ARL15: variants seen among roughly 807,000 people sequenced by gnomAD.
The protein encoded by ARL15 is ARF like GTPase 15, also known as ADP-ribosylation factor-like protein 15.
A neutral mutation model predicts 25.2 loss-of-function variants in ARL15; 19 were observed. The observed-to-expected ratio is 0.75, with a 90% CI of 0.53 to 1.10. ARL15 has a LOEUF of 1.10. Among genes scored for constraint, ARL15 ranks in the 50% least tolerant of loss-of-function variants. The probability of loss-of-function intolerance (pLI) is 0.00; values close to 1 mark genes in which losing one functional copy is unlikely to be tolerated. For synonymous variants in ARL15, 94 were observed against 86.8 expected, an observed-to-expected ratio of 1.08 and a Z score of -0.46; for missense variants, 220 against 246.0, an observed-to-expected ratio of 0.89 and a Z score of 0.71.
chr5:54,236,976 T>C (rs1307851169), intron 1 of ARL15, among the ~76,000 whole-genome samples: 8 of 152,178 alleles, frequency 5.3e-5, no homozygotes, highest in Admixed American at 5.2e-4. Context: ...TGAGTGAAAA[T>C]GATGTGTACA....
intron 4 of ARL15, among the ~76,000 whole-genome samples, chr5:53,992,604 C>T (rs762495326): frequency 6.6e-6 from 1 of 152,186 alleles, no homozygotes; most frequent in Non-Finnish European, 1.5e-5. Flanking sequence ...TAGGAAAAAA[C>T]ATTTTTATTT....
At chr5:54,041,349 T>C (rs1750338298) in intron 4 of ARL15, among the ~76,000 whole-genome samples, 1 of 152,256 alleles carries the variant, frequency 6.6e-6, no homozygotes, top group Non-Finnish European at 1.5e-5. Flanking sequence ...ATGGTTCTTT[T>C]GTCTTTCTGA....
At chr5:54,268,176 C>A (rs1757678466) in intron 1 of ARL15, among the ~76,000 whole-genome samples, 1 of 152,076 alleles carries the variant, frequency 6.6e-6, no homozygotes, top group Admixed American at 6.6e-5. Context: ...TCTTTTTATT[C>A]TTTTTTCTCT....
At chr5:54,247,674 T>C (rs919884155) in intron 1 of ARL15, among the ~76,000 whole-genome samples, 4 of 151,312 alleles carry the variant, frequency 2.6e-5, no homozygotes, top group African/African-American at 9.7e-5. Context: ...CAGCTAAAAA[T>C]TCCCCTTCAA....
At chr5:54,100,007 G>A (rs886627194) in intron 4 of ARL15, among the ~76,000 whole-genome samples, 2 of 150,126 alleles carry the variant, frequency 1.3e-5, no homozygotes, top group Admixed American at 6.6e-5. Flanking sequence ...TGACCCCCCC[G>A]TAACTGCAAT....
In ARL15 at chr5:54,148,950, T is replaced by G. The variant is rs57419983; in HGVS notation, c.253+5630A>C. 5.3e-3 allele frequency among the ~76,000 whole-genome samples: 803 copies of G among 152,338 alleles called. 9 individuals carry two copies. The highest frequency in any genetic ancestry group is 0.018 in the African/African-American group (732 of 41,574). ...AAATCAAGAGGAAAACATTCATGAC[T>G]GCATAGAAACCTGTTTGTAAATTTA... On this transcript the variant is annotated intron_variant, in intron 3 of 4. Coordinates refer to ENST00000504924, the MANE Select transcript of ARL15 (RefSeq NM_019087.3).
chr5:54,215,218 G>T (rs1440023388), intron 1 of ARL15, among the ~76,000 whole-genome samples: 2 of 149,482 alleles, frequency 1.3e-5, no homozygotes, highest in South Asian at 2.1e-4. Flanking sequence ...CTGTCTTAAA[G>T]TTTTTTTTTT....
At chr5:54,147,684 A>G (rs1753950802) in intron 3 of ARL15, among the ~76,000 whole-genome samples, 1 of 152,160 alleles carries the variant, frequency 6.6e-6, no homozygotes, top group African/African-American at 2.4e-5. Flanking sequence ...CATCCCTCCC[A>G]TGGACACCTA....
rs1360480655 is a variant in ARL15 at position 53,905,677 on chromosome 5, AATGAATT to A, written c.463-18971_463-18965del. On this transcript the variant is annotated intron_variant, in intron 4 of 4. Coordinates refer to ENST00000504924, the MANE Select transcript of ARL15 (RefSeq NM_019087.3). ...TGAAATTATCATCTGTTTCTTTCCA[AATGAATT>A]CTTACCAAATTCATTTTTCCTTTGG... Among the ~76,000 whole-genome samples the A allele has an allele frequency of 3.7e-3, 567 of 152,296 alleles. 6 individuals carry two copies. Among genetic ancestry groups the A allele is most frequent in the African/African-American group, 0.013 (531 of 41,562 alleles).
chr5:54,279,120 T>A (rs1757991786), intron 1 of ARL15, among the ~76,000 whole-genome samples: 1 of 152,220 alleles, frequency 6.6e-6, no homozygotes, highest in South Asian at 2.1e-4. Flanking sequence ...TCCCAAAAGC[T>A]AACCCATAAT....
intron 4 of ARL15, among the ~76,000 whole-genome samples, chr5:53,890,648 A>G (rs1357378625): frequency 6.6e-6 from 1 of 152,120 alleles, no homozygotes; most frequent in Non-Finnish European, 1.5e-5. Context: ...CCATGTGTCC[A>G]CCCTAGAGAT....
chr5:53,909,770 G>A (rs1374535309), intron 4 of ARL15, among the ~76,000 whole-genome samples: 1 of 152,038 alleles, frequency 6.6e-6, no homozygotes, highest in East Asian at 1.9e-4. Flanking sequence ...ACATCAAAAA[G>A]AGAATTTAAG....
chr5:53,995,670 G>A (rs1748646051), intron 4 of ARL15, among the ~76,000 whole-genome samples: 1 of 152,106 alleles, frequency 6.6e-6, no homozygotes, highest in Non-Finnish European at 1.5e-5. Flanking sequence ...TCATTAAAAT[G>A]CTCAGTGTTT....
chr5:54,235,996 G>C (rs1255294883), intron 1 of ARL15, among the ~76,000 whole-genome samples: 1 of 152,086 alleles, frequency 6.6e-6, no homozygotes, highest in African/African-American at 2.4e-5. Context: ...TAAAAGGTTT[G>C]AGTAACAATA....
chr5:53,936,970 A>G (rs1746366536), intron 4 of ARL15, among the ~76,000 whole-genome samples: 1 of 152,228 alleles, frequency 6.6e-6, no homozygotes, highest in Admixed American at 6.5e-5. Context: ...CCTCCTTTGC[A>G]GGGAACCATA....
At chr5:53,984,367 T>G (rs1748221332) in intron 4 of ARL15, among the ~76,000 whole-genome samples, 1 of 152,166 alleles carries the variant, frequency 6.6e-6, no homozygotes, top group African/African-American at 2.4e-5. Flanking sequence ...CCTTCATCTC[T>G]CTTATCCTGC....
At chr5:53,944,984 A>C (rs1746676514) in intron 4 of ARL15, among the ~76,000 whole-genome samples, 2 of 152,236 alleles carry the variant, frequency 1.3e-5, no homozygotes, top group African/African-American at 4.8e-5. Flanking sequence ...TTTAGAAAGA[A>C]GGCAGTGAAA....
At chr5:54,182,756 T>C (rs372413351) in intron 1 of ARL15, among the ~76,000 whole-genome samples, 1 of 152,160 alleles carries the variant, frequency 6.6e-6, no homozygotes, top group African/African-American at 2.4e-5. Context: ...GCTATTTTCA[T>C]GATATTGATT....
Position 54,297,373 on chromosome 5 carries a change from G to A in ARL15, c.48+13059C>T, listed in dbSNP as rs547062488. ...AGCTAATGAAGATGGCCCAGGCCAA[G>A]GCCTTTCCAACAGGACTGAAATCTG... On this transcript the variant is annotated intron_variant, in intron 1 of 4. Coordinates refer to ENST00000504924, the MANE Select transcript of ARL15 (RefSeq NM_019087.3). Among the ~76,000 whole-genome samples, 158 of 152,380 alleles carry A rather than the reference G, an allele frequency of 1.0e-3. 1 individual carries two copies. Among genetic ancestry groups the A allele is most frequent in the African/African-American group, 3.6e-3 (150 of 41,596 alleles).
Sources: gnomAD v4.1 joint callset for allele counts (sites outside exome capture counted in the v4.1 genomes callset) on GRCh38, gnomAD v4.1.1 for gene constraint, MANE v1.5 for transcripts, NCBI Gene and HGNC (gene_info 2026-07-23, HGNC 2026-07-21) for gene names.